Variants in SASH1 observed in about 807,000 individuals in gnomAD.
SASH1 encodes the protein SAM and SH3 domain-containing protein 1.
A neutral mutation model predicts 125.2 loss-of-function variants in SASH1; 44 were observed. The observed-to-expected ratio is 0.35, with a 90% CI of 0.28 to 0.45. The LOEUF is 0.45. SASH1 is among the 20% of genes least tolerant of loss of function. The probability of loss-of-function intolerance (pLI) is 1.00; values close to 1 mark genes in which losing one functional copy is unlikely to be tolerated. For synonymous variants in SASH1, 639 were observed against 649.1 expected (o/e 0.98, Z 0.24); for missense variants, 1,426 against 1,614.5 (o/e 0.88, Z 2.00).
intron 1 of SASH1, among the ~76,000 whole-genome samples, chr6:148,287,263 C>T (rs1448808810): frequency 1.3e-5 from 2 of 152,226 alleles, no homozygotes; most frequent in African/African-American, 4.8e-5. Context: ...CTTTCCTCTA[C>T]TATCAGTATT....
chr6:148,399,214 C>CTTTTTTTTTTTTTTTTTTTTTTTTTTTTT (rs371374910), intron 2 of SASH1, among the ~76,000 whole-genome samples: 4 of 106,674 alleles, frequency 3.7e-5, no homozygotes, highest in Non-Finnish European at 7.5e-5. Context: ...ATTTCAGCTT[C>CTTTTTTTTTTTTTTTTTTTTTTTTTTTTT]TTTTTTTTTT....
At chr6:148,390,775 A>AAGACTC (rs1393765008) in intron 2 of SASH1, among the ~76,000 whole-genome samples, 1 of 151,674 alleles carries the variant, frequency 6.6e-6, no homozygotes, top group African/African-American at 2.4e-5. Context: ...GCGACAGAGC[A>AAGACTC]AGACTCCGTC....
the SASH1 span, among the ~76,000 whole-genome samples, chr6:148,253,611 G>C: frequency 6.6e-6 from 1 of 152,186 alleles, no homozygotes; most frequent in Non-Finnish European, 1.5e-5. Context: ...GGTGGCTGAT[G>C]CCTGTAATCC....
the SASH1 span, among the ~76,000 whole-genome samples, chr6:148,207,822 A>G: frequency 6.6e-6 from 1 of 152,174 alleles, no homozygotes; most frequent in Non-Finnish European, 1.5e-5. Context: ...CTGCTCAGTC[A>G]TTTGTCATTT....
At chr6:148,233,261 A>G in the SASH1 span, among the ~76,000 whole-genome samples, 3 of 151,782 alleles carry the variant, frequency 2.0e-5, no homozygotes, top group Admixed American at 6.6e-5. Context: ...GGGTAGAGCG[A>G]AGATTGAGAC....
At chr6:148,511,963 TACAA>T (rs1050847695) in intron 8 of SASH1, among the ~76,000 whole-genome samples, 1 of 152,204 alleles carries the variant, frequency 6.6e-6, no homozygotes, top group African/African-American at 2.4e-5. Flanking sequence ...GTATTTTGAT[TACAA>T]ACAATCTGTA....
chr6:148,361,810 G>A (rs1368259243), intron 1 of SASH1, among the ~76,000 whole-genome samples: 1 of 152,124 alleles, frequency 6.6e-6, no homozygotes, highest in African/African-American at 2.4e-5. Flanking sequence ...GAAGAAGACA[G>A]GGGCCTCCTC....
At chr6:148,266,317 T>C in the SASH1 span, among the ~76,000 whole-genome samples, 1 of 152,166 alleles carries the variant, frequency 6.6e-6, no homozygotes, top group African/African-American at 2.4e-5. Flanking sequence ...TGCTGAAATT[T>C]GGTTGACTGA....
chr6:148,255,715 T>C, the SASH1 span, among the ~76,000 whole-genome samples: 2 of 152,168 alleles, frequency 1.3e-5, no homozygotes, highest in African/African-American at 4.8e-5. Context: ...CCATCTCTGC[T>C]CACTACAATC....
chr6:148,309,414 T>C (rs1780239559), intron 1 of SASH1, among the ~76,000 whole-genome samples: 1 of 152,088 alleles, frequency 6.6e-6, no homozygotes, highest in South Asian at 2.1e-4. Flanking sequence ...TACTCTAGGA[T>C]CAGAATCAAG....
At chr6:148,422,629 G>T (rs1775620517) in intron 2 of SASH1, among the ~76,000 whole-genome samples, 1 of 152,152 alleles carries the variant, frequency 6.6e-6, no homozygotes, top group Non-Finnish European at 1.5e-5. Context: ...TTCAATAAAT[G>T]GGTATTTTAA....
intron 1 of SASH1, among the ~76,000 whole-genome samples, chr6:148,312,249 T>C (rs1483502821): frequency 2.0e-5 from 3 of 152,194 alleles, no homozygotes; most frequent in African/African-American, 7.2e-5. Context: ...CACAGTGTTG[T>C]GCAATGAAAA....
At chr6:148,443,143 GAAAA>G (rs3035290) in intron 4 of SASH1, among the ~76,000 whole-genome samples, 491 of 129,390 alleles carry the variant, frequency 3.8e-3, no homozygotes, top group African/African-American at 9.2e-3. Context: ...GCACTTTTTA[GAAAA>G]AAAAAAAAAA....
intron 2 of SASH1, among the ~76,000 whole-genome samples, chr6:148,411,869 TA>T (rs1441848498): frequency 2.0e-5 from 3 of 152,228 alleles, no homozygotes; most frequent in Non-Finnish European, 4.4e-5. Context: ...ATATGAATCA[TA>T]AAATCCCCCT....
upstream of SASH1, among the ~76,000 whole-genome samples, chr6:148,270,996 G>T (rs150556016): frequency 4.8e-5 from 7 of 145,912 alleles, no homozygotes; most frequent in South Asian, 1.5e-3. Flanking sequence ...TGCAACCTCC[G>T]CCTCTTGGGT....
chr6:148,245,630 G>T, the SASH1 span, among the ~76,000 whole-genome samples: 4 of 152,274 alleles, frequency 2.6e-5, no homozygotes, highest in Middle Eastern at 3.4e-3. Flanking sequence ...TTAGTGAGAA[G>T]GGGGTAGTGT....
At chr6:148,218,850 A>T in the SASH1 span, among the ~76,000 whole-genome samples, 2 of 152,218 alleles carry the variant, frequency 1.3e-5, no homozygotes, top group Non-Finnish European at 2.9e-5. Flanking sequence ...TGCCTGCCTC[A>T]GAAAGGATTT....
At chr6:148,280,884 G>A (rs1275256448) in intron 1 of SASH1, among the ~76,000 whole-genome samples, 1 of 152,076 alleles carries the variant, frequency 6.6e-6, no homozygotes, top group Admixed American at 6.6e-5. Flanking sequence ...AATATGGCAT[G>A]TCATTGTGAA....
intron 8 of SASH1, among the ~76,000 whole-genome samples, chr6:148,499,187 C>A (rs1480707344): frequency 6.6e-6 from 1 of 151,218 alleles, no homozygotes; most frequent in African/African-American, 2.4e-5. Context: ...ATTTGGAAAG[C>A]AATATTTTAA....
Sources: gnomAD v4.1 joint callset for allele counts (sites outside exome capture counted in the v4.1 genomes callset) on GRCh38, gnomAD v4.1.1 for gene constraint, MANE v1.5 for transcripts, NCBI Gene and HGNC (gene_info 2026-07-23, HGNC 2026-07-21) for gene names.